The following SCFD2 variants were observed in gnomAD, a reference collection of about 807,000 sequenced individuals.
SCFD2 encodes sec1 family domain-containing protein 2.
In SCFD2, 54 loss-of-function variants were observed where a neutral mutation model predicts 58.9. That is an observed-to-expected ratio of 0.92 (90% confidence interval 0.74 to 1.15). The LOEUF is 1.15. Among genes scored for constraint, SCFD2 ranks in the 50% most tolerant of loss-of-function variants. The pLI is 0.00. For missense variants in SCFD2, 805 were observed against 836.6 expected (o/e 0.96, Z 0.47); for synonymous variants, 321 against 335.9 (o/e 0.96, Z 0.49).
At chr4:53,034,023 C>G (rs1577674193) in intron 5 of SCFD2, among the ~76,000 whole-genome samples, 1 of 152,134 alleles carries the variant, frequency 6.6e-6, no homozygotes, top group African/African-American at 2.4e-5. Context: ...AAGAAAATTT[C>G]AGGCCAATAT....
intron 8 of SCFD2, 44 bp downstream of exon 8, chr4:52,885,703 C>G (rs201922230): frequency 9.3e-6 from 15 of 1,610,142 alleles, no homozygotes; most frequent in African/African-American, 1.3e-5. Context: ...ACCCTTCACA[C>G]CCCTACTTCT....
intron 5 of SCFD2, among the ~76,000 whole-genome samples, chr4:53,089,733 C>T (rs1371025807): frequency 4.6e-5 from 7 of 152,000 alleles, no homozygotes; most frequent in Non-Finnish European, 7.4e-5. Context: ...AATTTCTTGC[C>T]AATGGATAGA....
chr4:53,330,651 G>A (rs1577974294), intron 2 of SCFD2, among the ~76,000 whole-genome samples: 1 of 151,958 alleles, frequency 6.6e-6, no homozygotes, highest in South Asian at 2.1e-4. Context: ...ATGCCAAAAT[G>A]TAAAGACCAT....
intron 3 of SCFD2, among the ~76,000 whole-genome samples, chr4:53,287,058 G>T (rs1363578596): frequency 6.6e-6 from 1 of 152,106 alleles, no homozygotes; most frequent in African/African-American, 2.4e-5. Flanking sequence ...TGACAGCTCT[G>T]TGCCCTGACC....
At chr4:53,314,957 A>G (rs1469355784) in intron 2 of SCFD2, among the ~76,000 whole-genome samples, 2 of 152,194 alleles carry the variant, frequency 1.3e-5, no homozygotes, top group Non-Finnish European at 2.9e-5. Context: ...GTAAGCAGGT[A>G]AACTACATGC....
chr4:52,920,414 T>C (rs1560481306), intron 6 of SCFD2, among the ~76,000 whole-genome samples: 1 of 152,158 alleles, frequency 6.6e-6, no homozygotes, highest in Admixed American at 6.6e-5. Flanking sequence ...GTACCTGTAG[T>C]CATTGGCTCC....
chr4:52,977,249 T>A (rs1367231122), intron 5 of SCFD2, among the ~76,000 whole-genome samples: 2 of 152,180 alleles, frequency 1.3e-5, no homozygotes, highest in Non-Finnish European at 2.9e-5. Context: ...ATAGAATCAT[T>A]AAGGTTCTGA....
At chr4:53,352,897 T>C in intron 1 of SCFD2, 131 bp from the exon 2 acceptor site, 1 of 759,944 alleles carries the variant, frequency 1.3e-6, no homozygotes, top group Non-Finnish European at 2.1e-6. Flanking sequence ...AACTCACATT[T>C]TGCCCTTCAT....
Position 53,315,358 on chromosome 4 carries a change from A to G in SCFD2, c.1008-1595T>C, listed in dbSNP as rs1193595990. On this transcript the variant is annotated intron_variant, in intron 2 of 8. Transcript: ENST00000401642. ...TCCTAGGAACATGACCCTGAGGAGC[A>G]CTGTTCTGTTGCATGCCAAGGTGCA... Among the ~76,000 whole-genome samples the G allele has an allele frequency of 2.0e-5, 3 of 152,030 alleles. No homozygotes were observed. In the East Asian group the frequency reaches 5.8e-4, roughly 29 times the overall value.
At chr4:52,999,487 T>G (rs1721817329) in intron 5 of SCFD2, among the ~76,000 whole-genome samples, 1 of 152,166 alleles carries the variant, frequency 6.6e-6, no homozygotes, top group Non-Finnish European at 1.5e-5. Context: ...GGGGCATTTA[T>G]TTTTCTTTGT....
rs1210918379 is a variant in SCFD2 at position 53,365,457 on chromosome 4, G to A, written c.485C>T (p.Pro162Leu). 6.2e-7 allele frequency: 1 copy of A among 1,614,068 alleles called. No individual in the cohort carries two copies. The highest frequency in any genetic ancestry group is 1.3e-5 in the African/African-American group (1 of 74,924). Residue 162 changes from proline (P) to leucine (L), a missense_variant, in exon 1 of 9, where the codon CCT becomes CTT. Transcript: ENST00000401642. This position sits in a 1 kb window ranked among gnomAD's most constrained non-coding sequence, Gnocchi z 4.3. ...AGTCAAGGCAAAGTGGGGAGCAACAGGGGCAAGCAATAACGGGACATGGAA... is the reference window on the plus strand; with the variant it reads ...AGTCAAGGCAAAGTGGGGAGCAACAAGGGCAAGCAATAACGGGACATGGAA... Reference protein sequence around the residue: ...EVFHVPLLLAPVAPHFALTPA... With the variant: ...EVFHVPLLLALVAPHFALTPA...
At chr4:52,941,231 T>C (rs1720285143) in intron 5 of SCFD2, among the ~76,000 whole-genome samples, 1 of 152,218 alleles carries the variant, frequency 6.6e-6, no homozygotes, top group South Asian at 2.1e-4. Context: ...GGGGATGTAA[T>C]GGTGAACAAG....
At chr4:53,223,527 C>T (rs1729109626) in intron 4 of SCFD2, among the ~76,000 whole-genome samples, 1 of 152,236 alleles carries the variant, frequency 6.6e-6, no homozygotes, top group Non-Finnish European at 1.5e-5. Context: ...GCTATCAGAA[C>T]TCTGTGTCTT....
At chr4:53,299,023 T>G (rs1347343291) in intron 3 of SCFD2, among the ~76,000 whole-genome samples, 1 of 151,988 alleles carries the variant, frequency 6.6e-6, no homozygotes, top group African/African-American at 2.4e-5. Context: ...ACAGAAACTC[T>G]AAAAATCAGA....
intron 4 of SCFD2, among the ~76,000 whole-genome samples, chr4:53,160,077 G>A (rs552471893): frequency 1.3e-5 from 2 of 152,306 alleles, no homozygotes; most frequent in African/African-American, 4.8e-5. Flanking sequence ...GAGGGTGCTA[G>A]ATCAATGTTA....
chr4:52,991,593 G>C (rs554921600), intron 5 of SCFD2, among the ~76,000 whole-genome samples: 1 of 152,304 alleles, frequency 6.6e-6, no homozygotes, highest in South Asian at 2.1e-4. Context: ...GGCTCAGGGA[G>C]AGGAGTTGGA....
chr4:53,080,130 T>A (rs1724097472), intron 5 of SCFD2, among the ~76,000 whole-genome samples: 1 of 152,200 alleles, frequency 6.6e-6, no homozygotes, highest in Non-Finnish European at 1.5e-5. Flanking sequence ...CATTACCCTC[T>A]GCCTCTACTC....
chr4:53,089,814 C>T (rs1451362251), intron 5 of SCFD2, among the ~76,000 whole-genome samples: 1 of 152,144 alleles, frequency 6.6e-6, no homozygotes, highest in African/African-American at 2.4e-5. Context: ...GAATCTACAT[C>T]TGGACTAAAT....
intron 5 of SCFD2, among the ~76,000 whole-genome samples, chr4:52,928,551 T>C (rs1719914130): frequency 6.6e-6 from 1 of 152,124 alleles, no homozygotes; most frequent in Non-Finnish European, 1.5e-5. Flanking sequence ...CAAATAGGCA[T>C]GCACGAAGTG....
Sources: allele counts gnomAD v4.1 joint callset (sites outside exome capture counted in the v4.1 genomes callset), GRCh38; gene constraint gnomAD v4.1.1; non-coding constraint Gnocchi (gnomAD v3.1); transcripts MANE v1.5; gene names NCBI Gene and HGNC (gene_info 2026-07-23, HGNC 2026-07-21).